LMAN2L: variants seen among roughly 807,000 people sequenced by gnomAD.
LMAN2L encodes VIP36-like protein.
In LMAN2L, 30 loss-of-function variants were observed where a neutral mutation model predicts 44.3. That is an observed-to-expected ratio of 0.68 (90% confidence interval 0.51 to 0.92). The LOEUF is 0.92. Among genes scored for constraint, LMAN2L ranks in the 40% least tolerant of loss-of-function variants. The pLI, the probability that LMAN2L is intolerant of heterozygous loss-of-function variation, is 0.00. For missense variants in LMAN2L, 429 were observed against 446.1 expected (o/e 0.96, Z 0.35); for synonymous variants, 183 against 171.1 (o/e 1.07, Z -0.54).
chr2:96,723,606 A>G (rs1558956269), intron 4 of LMAN2L, among the ~76,000 whole-genome samples: 1 of 152,196 alleles, frequency 6.6e-6, no homozygotes, highest in Non-Finnish European at 1.5e-5. Context: ...ATCCAAAGTC[A>G]AGAAGAATCA....
Position 96,729,622 on chromosome 2 carries a change from C to T in LMAN2L, c.507+3897G>A, listed in dbSNP as rs556437418. On this transcript the variant is annotated intron_variant, in intron 4 of 7. Coordinates refer to ENST00000264963, the MANE Select transcript of LMAN2L (RefSeq NM_030805.4). The stretch of plus-strand genomic sequence containing the variant: ...CTCCCAGGTTCAAGTGATTCTCCTG[C>T]CTCAGCCTCCCAAGTAGCTGGGACT... Among the ~76,000 whole-genome samples, 15 of 151,984 alleles carry T rather than the reference C, an allele frequency of 9.9e-5. 1 individual carries two copies. The South Asian group carries it at 2.9e-3, about 29-fold the overall frequency.
chr2:96,716,411 T>A (rs1463279786), intron 4 of LMAN2L, among the ~76,000 whole-genome samples: 2 of 152,202 alleles, frequency 1.3e-5, no homozygotes, highest in Non-Finnish European at 2.9e-5. Flanking sequence ...TACACTGGCA[T>A]CTAGGAGCCA....
intron 6 of LMAN2L, among the ~76,000 whole-genome samples, chr2:96,709,597 T>C (rs1359851348): frequency 1.3e-5 from 2 of 152,184 alleles, no homozygotes; most frequent in East Asian, 1.9e-4. Context: ...CATCTTCTGT[T>C]GGAAAAATGT....
chr2:96,707,701 C>T lies in LMAN2L; in HGVS notation c.904+13G>A. On this transcript the variant is annotated intron_variant, in intron 7 of 7. Transcript: ENST00000264963. ...CAACTATGGGACCATTTCCCGCGGG[C>T]CCCTGTGCTCACTCTCAGGCAGCTT... 2 of 1,613,746 alleles carry T rather than the reference C, an allele frequency of 1.2e-6. No homozygotes were observed. The highest frequency in any genetic ancestry group is 1.7e-6 in the Non-Finnish European group (2 of 1,179,882).
At chr2:96,709,593 C>CT (rs2077867552) in intron 6 of LMAN2L, among the ~76,000 whole-genome samples, 1 of 152,312 alleles carries the variant, frequency 6.6e-6, no homozygotes, top group Non-Finnish European at 1.5e-5. Flanking sequence ...GATTCATCTT[C>CT]TGTTGGAAAA....
At chr2:96,733,170 G>C (rs2078443054) in intron 4 of LMAN2L, among the ~76,000 whole-genome samples, 1 of 152,184 alleles carries the variant, frequency 6.6e-6, no homozygotes. Context: ...TGGATTAAAA[G>C]TCAGGGGAGG....
chr2:96,731,900 T>C (rs2078405576), intron 4 of LMAN2L, among the ~76,000 whole-genome samples: 1 of 151,824 alleles, frequency 6.6e-6, no homozygotes, highest in African/African-American at 2.4e-5. Flanking sequence ...CAGGCTGCAG[T>C]GCAATGGCGT....
chr2:96,734,560 G>C (rs772941627), intron 2 of LMAN2L, 34 bp from the exon 3 acceptor site: 1 of 1,359,864 alleles, frequency 7.4e-7, no homozygotes, highest in Non-Finnish European at 1.1e-6. Context: ...TCAATGAGGA[G>C]CATGAAATGC....
intron 4 of LMAN2L, among the ~76,000 whole-genome samples, chr2:96,725,038 AC>A (rs1454932719): frequency 6.6e-6 from 1 of 151,662 alleles, no homozygotes; most frequent in Non-Finnish European, 1.5e-5. Flanking sequence ...TCACCGTGTT[AC>A]CCAGGATGGT....
At chr2:96,735,277 G>A (rs972284259) in intron 2 of LMAN2L, among the ~76,000 whole-genome samples, 9 of 152,246 alleles carry the variant, frequency 5.9e-5, no homozygotes, top group Non-Finnish European at 1.2e-4. Context: ...TGTGAAGAAA[G>A]AAGTGAAGGA....
Position 96,707,217 on chromosome 2 carries a change from C to T in LMAN2L, c.*39G>A. ...GCCAGTGCCTGCTCCTTCCATACCT[C>T]ATGGGTGACAGTCACAAAAGTGGTG... On this transcript the variant is annotated 3_prime_UTR_variant, in exon 8 of 8. Coordinates refer to ENST00000264963, the MANE Select transcript of LMAN2L (RefSeq NM_030805.4). 1.2e-6 allele frequency: 2 copies of T among 1,606,550 alleles called. No individual in the cohort carries two copies. The highest frequency in any genetic ancestry group is 1.7e-6 in the Non-Finnish European group (2 of 1,174,662).
intron 4 of LMAN2L, among the ~76,000 whole-genome samples, chr2:96,729,002 G>C (rs1354562264): frequency 1.3e-5 from 2 of 151,672 alleles, no homozygotes; most frequent in Non-Finnish European, 2.9e-5. Flanking sequence ...GAAACCCCAT[G>C]TCTACTAAAA....
intron 6 of LMAN2L, among the ~76,000 whole-genome samples, chr2:96,708,983 C>T (rs1034026565): frequency 1.4e-4 from 20 of 140,520 alleles, no homozygotes; most frequent in Admixed American, 2.3e-4. Context: ...GGCACGATCT[C>T]GGCTCACTGC....
chr2:96,735,003 C>T (rs971708867), intron 2 of LMAN2L, among the ~76,000 whole-genome samples: 1 of 151,574 alleles, frequency 6.6e-6, no homozygotes, highest in African/African-American at 2.4e-5. Context: ...AGCTGTTATG[C>T]AAACGTTTCC....
chr2:96,734,556 A>G (rs2078474675), intron 2 of LMAN2L, 30 bp from the exon 3 acceptor site: 9 of 1,419,114 alleles, frequency 6.3e-6, no homozygotes, highest in Non-Finnish European at 9.0e-6. Flanking sequence ...AGAATCAATG[A>G]GGAGCATGAA....
At chr2:96,717,765 G>A (rs1010325571) in intron 4 of LMAN2L, among the ~76,000 whole-genome samples, 3 of 150,762 alleles carry the variant, frequency 2.0e-5, no homozygotes, top group Non-Finnish European at 3.0e-5. Flanking sequence ...CTTGAACCCA[G>A]GAGGCAGAGG....
intron 4 of LMAN2L, among the ~76,000 whole-genome samples, chr2:96,714,239 C>G (rs544895072): frequency 1.3e-5 from 2 of 152,218 alleles, no homozygotes; most frequent in Non-Finnish European, 2.9e-5. Flanking sequence ...ACCAAAAGAT[C>G]TGAGGGCACA....
chr2:96,711,230 T>C (rs2077908519), intron 6 of LMAN2L, among the ~76,000 whole-genome samples: 1 of 152,110 alleles, frequency 6.6e-6, no homozygotes, highest in African/African-American at 2.4e-5. Context: ...AAAGGATCTG[T>C]ACACACAACA....
intron 4 of LMAN2L, among the ~76,000 whole-genome samples, chr2:96,715,962 C>T (rs1009328372): frequency 6.6e-6 from 1 of 152,070 alleles, no homozygotes; most frequent in Admixed American, 6.5e-5. Flanking sequence ...ATGAGATATG[C>T]GAAGCATTTA....
Sources: allele counts gnomAD v4.1 joint callset (sites outside exome capture counted in the v4.1 genomes callset), GRCh38; gene constraint gnomAD v4.1.1; transcripts MANE v1.5; gene names NCBI Gene and HGNC (gene_info 2026-07-23, HGNC 2026-07-21).